The following TUSC3 variants were observed in gnomAD, a reference collection of about 807,000 sequenced individuals.
TUSC3 encodes the protein dolichyl-diphosphooligosaccharide--protein glycosyltransferase subunit TUSC3.
In TUSC3, 45 loss-of-function variants were observed where a neutral mutation model predicts 44.8. The observed-to-expected ratio is 1.00, with a 90% CI of 0.79 to 1.29. The LOEUF is 1.29. Ranked by LOEUF, TUSC3 falls within the 50% of genes most tolerant of loss-of-function variation. The pLI, the probability that TUSC3 is intolerant of heterozygous loss-of-function variation, is 0.00. For synonymous variants in TUSC3, 212 were observed against 152.9 expected (o/e 1.39, Z -2.85); for missense variants, 519 against 437.9 (o/e 1.19, Z -1.65).
chr8:15,814,495 T>C, the TUSC3 span, among the ~76,000 whole-genome samples: 1 of 152,202 alleles, frequency 6.6e-6, no homozygotes. Context: ...TATGTATACA[T>C]TTGATTCAAC....
chr8:15,516,341 G>A (rs1233828462), intron 2 of TUSC3, among the ~76,000 whole-genome samples: 9 of 152,016 alleles, frequency 5.9e-5, no homozygotes, highest in East Asian at 3.9e-4. Flanking sequence ...CTTAATTACC[G>A]ATAATTTCAT....
chr8:15,430,149 C>G (rs2129116692), intron 1 of TUSC3, among the ~76,000 whole-genome samples: 1 of 148,680 alleles, frequency 6.7e-6, no homozygotes, highest in South Asian at 2.1e-4. Context: ...CATCCTGGTA[C>G]CAAAGCCTGG....
downstream of TUSC3, among the ~76,000 whole-genome samples, chr8:15,771,297 T>C (rs908961693): frequency 6.6e-6 from 1 of 152,178 alleles, no homozygotes; most frequent in Non-Finnish European, 1.5e-5. Context: ...ACAAATTCAA[T>C]TTCCTATTAT....
chr8:15,513,913 A>C (rs1179272140), intron 2 of TUSC3, among the ~76,000 whole-genome samples: 2 of 152,128 alleles, frequency 1.3e-5, no homozygotes, highest in Admixed American at 1.3e-4. Flanking sequence ...CCTTTGCCTC[A>C]TGCCTCAGCT....
At chr8:15,749,970 G>A (rs1413889039) in intron 9 of TUSC3, among the ~76,000 whole-genome samples, 1 of 148,806 alleles carries the variant, frequency 6.7e-6, no homozygotes, top group Non-Finnish European at 1.5e-5. Context: ...TATACAGTAA[G>A]TGATACTGTG....
chr8:15,763,480 T>G (rs1812234562), intron 10 of TUSC3, among the ~76,000 whole-genome samples: 1 of 152,008 alleles, frequency 6.6e-6, no homozygotes, highest in African/African-American at 2.4e-5. Context: ...TTGGTTTGTC[T>G]CTGGTTGCCT....
At chr8:15,510,804 T>C (rs1801123367) in intron 2 of TUSC3, among the ~76,000 whole-genome samples, 1 of 152,008 alleles carries the variant, frequency 6.6e-6, no homozygotes, top group Non-Finnish European at 1.5e-5. Context: ...ATATCCCTCA[T>C]GACTATGGAC....
chr8:15,572,110 G>T (rs1196998520), intron 1 of TUSC3, among the ~76,000 whole-genome samples: 2 of 152,060 alleles, frequency 1.3e-5, no homozygotes, highest in African/African-American at 4.8e-5. Context: ...TTCAAACCAG[G>T]CATCGACTTC....
the TUSC3 span, among the ~76,000 whole-genome samples, chr8:15,783,684 G>C: frequency 6.6e-6 from 1 of 152,130 alleles, no homozygotes; most frequent in African/African-American, 2.4e-5. Flanking sequence ...ATTTGAAGTT[G>C]TATTTCATTC....
At chr8:15,755,220 G>A (rs1462708172) in intron 9 of TUSC3, among the ~76,000 whole-genome samples, 5 of 152,040 alleles carry the variant, frequency 3.3e-5, no homozygotes, top group Non-Finnish European at 2.9e-5. Flanking sequence ...CTTTTGTCAA[G>A]CTAAGTTCTC....
intron 1 of TUSC3, among the ~76,000 whole-genome samples, chr8:15,549,710 A>T (rs1233662456): frequency 2.6e-5 from 4 of 151,592 alleles, no homozygotes; most frequent in Non-Finnish European, 4.4e-5. Context: ...AAGGGGAGTA[A>T]AAGTTTTTCT....
intron 1 of TUSC3, among the ~76,000 whole-genome samples, chr8:15,448,132 T>TATATATATATATATATATATATATATA (rs1554502647): frequency 1.4e-5 from 2 of 144,618 alleles, no homozygotes; most frequent in African/African-American, 2.6e-5. Flanking sequence ...TATTTATTTA[T>TATATATATATATATATATATATATATA]TTTTTAGATG....
intron 1 of TUSC3, among the ~76,000 whole-genome samples, chr8:15,607,350 CT>C (rs1273907381): frequency 1.3e-5 from 2 of 152,022 alleles, no homozygotes; most frequent in Admixed American, 6.6e-5. Context: ...GTGATAGAAA[CT>C]TTTAAGTGGC....
At chr8:15,667,499 A>G (rs10113262) in intron 5 of TUSC3, among the ~76,000 whole-genome samples, 5,045 of 151,474 alleles carry the variant, frequency 0.033, 222 homozygotes, top group African/African-American at 0.1. Flanking sequence ...AATTACTTAT[A>G]ACTTGAAAAC....
chr8:15,552,481 G>A (rs896999063), intron 1 of TUSC3, among the ~76,000 whole-genome samples: 2 of 151,662 alleles, frequency 1.3e-5, no homozygotes, highest in African/African-American at 4.8e-5. Context: ...AATAATGGGC[G>A]CTATACTAGC....
chr8:15,774,230 A>C, the TUSC3 span, among the ~76,000 whole-genome samples: 20 of 134,186 alleles, frequency 1.5e-4, no homozygotes, highest in Non-Finnish European at 2.9e-4. Flanking sequence ...TAAGCGTCAA[A>C]TTTTGTCTCC....
intron 1 of TUSC3, among the ~76,000 whole-genome samples, chr8:15,584,704 G>A (rs1403473126): frequency 2.6e-5 from 4 of 152,100 alleles, no homozygotes; most frequent in African/African-American, 9.7e-5. Context: ...TGTATGGGTG[G>A]GGGTGGTGAA....
intron 2 of TUSC3, among the ~76,000 whole-genome samples, chr8:15,623,507 A>C (rs1486795611): frequency 6.6e-6 from 1 of 152,220 alleles, no homozygotes; most frequent in Middle Eastern, 3.4e-3. Context: ...GATATCCTGC[A>C]GATTGCCTTG....
chr8:15,755,574 G>C (rs998089361), intron 9 of TUSC3, among the ~76,000 whole-genome samples: 2 of 151,870 alleles, frequency 1.3e-5, no homozygotes, highest in South Asian at 2.1e-4. Flanking sequence ...CTATGAATTT[G>C]ATCTAATTAC....
Sources: gnomAD v4.1 joint callset for allele counts (sites outside exome capture counted in the v4.1 genomes callset) on GRCh38, gnomAD v4.1.1 for gene constraint, MANE v1.5 for transcripts, NCBI Gene and HGNC (gene_info 2026-07-23, HGNC 2026-07-21) for gene names.